Variants in ZHX1 observed in about 807,000 individuals in gnomAD.
The protein encoded by ZHX1 is zinc fingers and homeoboxes protein 1.
In ZHX1, 20 loss-of-function variants were observed where a neutral mutation model predicts 61.8. The ratio of observed to expected loss-of-function variants is 0.32; its 90% confidence interval spans 0.23 to 0.47. The LOEUF (loss-of-function observed/expected upper bound fraction) is 0.47. Ranked by LOEUF, ZHX1 falls within the 20% of genes least tolerant of loss-of-function variation. The probability of loss-of-function intolerance (pLI) is 1.00; values close to 1 mark genes in which losing one functional copy is unlikely to be tolerated. For synonymous variants in ZHX1, 318 were observed against 352.6 expected (o/e 0.90, Z 1.10); for missense variants, 800 against 1,034.8 (o/e 0.77, Z 3.11).
chr8:123,267,149 A>G, intron 2 of ZHX1, 124 bp downstream of exon 2: 1 of 739,908 alleles, frequency 1.4e-6, no homozygotes, highest in Non-Finnish European at 2.0e-6. Context: ...AAAAGTGTTA[A>G]GCATATGTCT....
At position 123,254,848 on chromosome 8, in the gene ZHX1, T is replaced by C. The variant is rs778922946; in HGVS notation, c.1099A>G (p.Ile367Val). The C allele has an allele frequency of 1.9e-6, 3 of 1,614,090 alleles. No homozygotes were observed. The highest frequency in any genetic ancestry group is 2.5e-6 in the Non-Finnish European group (3 of 1,180,042). The change falls in exon 3 of 4, where the codon ATA becomes GTA. Residue 367 changes from isoleucine (I) to valine (V), a missense_variant. Physicochemically the swap from Ile to Val is conservative, Grantham distance 29. Transcript: ENST00000395571. This position sits in a 1 kb window ranked among gnomAD's most constrained non-coding sequence, Gnocchi z 4.1. Reference protein sequence around the residue: ...NGTVHTVPQTITVIPTHISTG... With the variant: ...NGTVHTVPQTVTVIPTHISTG... ...GAAATGTGTGTAGGAATAACAGTTA[T>C]GGTCTGAGGTACAGTATGCACTGTT...
intron 1 of ZHX1, among the ~76,000 whole-genome samples, chr8:123,272,445 T>C (rs1471267316): frequency 6.6e-6 from 1 of 152,226 alleles, no homozygotes; most frequent in Non-Finnish European, 1.5e-5. Flanking sequence ...TTTTATGTCC[T>C]GTTACCGCAT....
At chr8:123,262,885 G>A (rs1261722996) in intron 2 of ZHX1, 2 of 151,366 alleles carry the variant, frequency 1.3e-5, no homozygotes, top group Non-Finnish European at 1.5e-5. Context: ...GGAACCATGC[G>A]GAGAAGATTA....
intron 2 of ZHX1, among the ~76,000 whole-genome samples, chr8:123,259,797 T>G (rs57702091): frequency 6.6e-6 from 1 of 152,348 alleles, no homozygotes; most frequent in East Asian, 1.9e-4. Context: ...TTCAAACTTT[T>G]TGTTTTAAGC....
chr8:123,261,365 G>A (rs1826260415), intron 2 of ZHX1, among the ~76,000 whole-genome samples: 2 of 152,152 alleles, frequency 1.3e-5, no homozygotes, highest in African/African-American at 4.8e-5. Flanking sequence ...AAAGCCACAG[G>A]TTTTGCAGTC....
chr8:123,255,117 G>C lies in ZHX1; in HGVS notation c.830C>G (p.Pro277Arg). The C allele has an allele frequency of 6.2e-7, 1 of 1,614,152 alleles. No homozygotes were observed. The highest frequency in any genetic ancestry group is 1.1e-5 in the South Asian group (1 of 91,088). ...GCTATTAACAGGGATTAAGACTTTG[G>C]GAATCAAATTAGAATTCTGCTGAGC... Reference protein sequence around the residue: ...VSAQQNSNLIPKVLIPVNSIP... With the variant: ...VSAQQNSNLIRKVLIPVNSIP... Residue 277 changes from proline (P) to arginine (R), a missense_variant, in exon 3 of 4, where the codon CCC becomes CGC. Pro to Arg is a moderately radical substitution (Grantham distance 103). Transcript: ENST00000395571.
At chr8:123,256,603 A>C (rs1045205498) in intron 2 of ZHX1, among the ~76,000 whole-genome samples, 12 of 152,146 alleles carry the variant, frequency 7.9e-5, no homozygotes, top group Non-Finnish European at 1.8e-4. Context: ...GTCTCTACTA[A>C]AAACACAAAA....
At chr8:123,253,249 TACA>T (rs949258612) in intron 3 of ZHX1, 70 bp downstream of exon 3, 9 of 1,274,576 alleles carry the variant, frequency 7.1e-6, no homozygotes, top group African/African-American at 1.5e-5. Flanking sequence ...AGATGACTGA[TACA>T]ACAAGGTGAC....
At chr8:123,257,293 C>G (rs1207853514) in intron 2 of ZHX1, 1 of 152,200 alleles carries the variant, frequency 6.6e-6, no homozygotes, top group East Asian at 1.9e-4. Flanking sequence ...ACATCAGTCT[C>G]CTGACACAGG....
chr8:123,262,641 A>G (rs1826311484), intron 2 of ZHX1, among the ~76,000 whole-genome samples: 1 of 152,172 alleles, frequency 6.6e-6, no homozygotes. Context: ...TATCCTGCCT[A>G]GCCTACAAAT....
intron 2 of ZHX1, among the ~76,000 whole-genome samples, chr8:123,263,876 A>G (rs1826368853): frequency 6.6e-6 from 1 of 152,210 alleles, no homozygotes. Flanking sequence ...ATGTATTATT[A>G]CATACATTTT....
At chr8:123,275,005 AC>A (rs1826800267), upstream of ZHX1, among the ~76,000 whole-genome samples, 1 of 151,050 alleles carries the variant, frequency 6.6e-6, no homozygotes. Flanking sequence ...CTCGCTTCGG[AC>A]CCCGCTCCTC....
intron 1 of ZHX1, among the ~76,000 whole-genome samples, chr8:123,273,277 T>C (rs912146567): frequency 2.0e-5 from 3 of 152,212 alleles, no homozygotes; most frequent in South Asian, 4.1e-4. Flanking sequence ...CCTCCAACTT[T>C]GGTGTAAATA....
intron 1 of ZHX1, among the ~76,000 whole-genome samples, chr8:123,270,116 C>T (rs551494202): frequency 3.3e-5 from 5 of 152,132 alleles, no homozygotes; most frequent in Non-Finnish European, 7.4e-5. Context: ...TCATGATCTT[C>T]CCCACTCCCA....
intron 3 of ZHX1, among the ~76,000 whole-genome samples, chr8:123,251,660 TA>T (rs561440421): frequency 1.3e-5 from 2 of 151,918 alleles, no homozygotes; most frequent in Admixed American, 6.6e-5. Flanking sequence ...TGTTTAGCAA[TA>T]AAAAAAATGC....
Position 123,255,383 on chromosome 8 carries a change from T to C in ZHX1, c.564A>G (p.Lys188=), listed in dbSNP as rs763247357. ...CAATCCGTTTATTTTCCACTTTATTTTTCATCATTTTCATGATAGGAGTTT... is the reference window on the plus strand; with the variant it reads ...CAATCCGTTTATTTTCCACTTTATTCTTCATCATTTTCATGATAGGAGTTT... ...ISKTPIMKMM[K]NKVENKRIAV... is the part of the protein sequence containing the mutation. Residue 188 remains lysine, a synonymous_variant, in exon 3 of 4, where the codon AAA becomes AAG. Coordinates refer to ENST00000395571, the MANE Select transcript of ZHX1 (RefSeq NM_007222.5). 1 of 1,613,678 alleles carries C rather than the reference T, an allele frequency of 6.2e-7. No homozygotes were observed. Among genetic ancestry groups the C allele is most frequent in the Non-Finnish European group, 8.5e-7 (1 of 1,179,982 alleles).
At chr8:123,270,208 A>C (rs1202574303) in intron 1 of ZHX1, among the ~76,000 whole-genome samples, 1 of 152,172 alleles carries the variant, frequency 6.6e-6, no homozygotes, top group Non-Finnish European at 1.5e-5. Flanking sequence ...TTAGAAGAAA[A>C]ATATAATTAT....
chr8:123,270,721 G>A (rs1360353165), intron 1 of ZHX1, among the ~76,000 whole-genome samples: 1 of 151,248 alleles, frequency 6.6e-6, no homozygotes, highest in Non-Finnish European at 1.5e-5. Flanking sequence ...AGGAGTTTGA[G>A]GGTGCAGTGA....
intron 2 of ZHX1, among the ~76,000 whole-genome samples, chr8:123,263,844 AAT>A (rs1826367251): frequency 1.3e-5 from 2 of 152,270 alleles, no homozygotes; most frequent in East Asian, 1.9e-4. Context: ...AAAAAAAAAA[AAT>A]CTTTAAATAT....
Sources: gnomAD v4.1 joint callset for allele counts (sites outside exome capture counted in the v4.1 genomes callset) on GRCh38, gnomAD v4.1.1 for gene constraint, Gnocchi (gnomAD v3.1) non-coding constraint, MANE v1.5 for transcripts, NCBI Gene and HGNC (gene_info 2026-07-23, HGNC 2026-07-21) for gene names.